SESN1: variants seen among roughly 807,000 people sequenced by gnomAD.
SESN1 encodes sestrin 1, also known as sestrin-1.
A neutral mutation model predicts 59.3 loss-of-function variants in SESN1; 30 were observed. The observed-to-expected ratio is 0.51, with a 90% CI of 0.38 to 0.69. The LOEUF (loss-of-function observed/expected upper bound fraction) is 0.69. SESN1 is among the 30% of genes least tolerant of loss of function. SESN1 has a pLI of 0.00. For missense variants in SESN1, 566 were observed against 673.0 expected (o/e 0.84, Z 1.76); for synonymous variants, 197 against 219.9 (o/e 0.90, Z 0.92).
At chr6:109,043,092 A>G (rs976580625) in intron 1 of SESN1, among the ~76,000 whole-genome samples, 2 of 152,172 alleles carry the variant, frequency 1.3e-5, no homozygotes, top group Non-Finnish European at 2.9e-5. Context: ...AAGAAAAACC[A>G]TATGTTCATA....
chr6:109,075,077 T>C (rs538274936), intron 1 of SESN1, among the ~76,000 whole-genome samples: 1 of 152,270 alleles, frequency 6.6e-6, no homozygotes, highest in East Asian at 1.9e-4. Flanking sequence ...GGCTCCTTTA[T>C]CTGGAGAATG....
In SESN1 at chr6:109,015,777, C is replaced by A. The variant is rs147371696; in HGVS notation, c.280-13434G>T. ...AAATATACAAACTCAAAAAAGGCAACAAAAGATACTAAATATATGCAAGTA... is the reference window on the plus strand; with the variant it reads ...AAATATACAAACTCAAAAAAGGCAAAAAAAGATACTAAATATATGCAAGTA... On this transcript the variant is annotated intron_variant, in intron 1 of 9. Coordinates refer to ENST00000436639, the MANE Select transcript of SESN1 (RefSeq NM_014454.3). Among the ~76,000 whole-genome samples the A allele has an allele frequency of 5.8e-3, 888 of 152,172 alleles. 7 individuals carry two copies. Among genetic ancestry groups the A allele is most frequent in the African/African-American group, 0.02 (836 of 41,526 alleles).
chr6:109,094,788 G>C lies in SESN1; in HGVS notation c.-715C>G, dbSNP rs1781468740. 6.6e-6 allele frequency: 1 copy of C among 152,236 alleles called. No individual in the cohort carries two copies. 9.4% of individuals were successfully genotyped at this position (152,236 alleles called of 1,614,324 possible). A position where few individuals can be genotyped will look rare whatever the true frequency, so the allele number is the denominator to read the frequency against. On this transcript the variant is annotated 5_prime_UTR_variant, in exon 1 of 10. Coordinates refer to ENST00000436639, the MANE Select transcript of SESN1 (RefSeq NM_014454.3). ...CCCTGAGCCCTCGCCCACCACCGCC[G>C]AGCCAGAGGGCACAGGGCGGCCCTG...
intron 9 of SESN1, 64 bp downstream of exon 9, chr6:108,988,479 T>A: frequency 7.1e-7 from 1 of 1,403,082 alleles, no homozygotes; most frequent in Admixed American, 2.2e-5. Flanking sequence ...ACCATTAGGT[T>A]AGGTGAAGGA....
At chr6:108,990,035 G>A (rs1479797081) in intron 8 of SESN1, among the ~76,000 whole-genome samples, 1 of 152,182 alleles carries the variant, frequency 6.6e-6, no homozygotes, top group Non-Finnish European at 1.5e-5. Flanking sequence ...TTTGACCAGA[G>A]TCTCTGATAA....
At chr6:109,032,608 A>G (rs1780198587) in intron 1 of SESN1, among the ~76,000 whole-genome samples, 1 of 146,252 alleles carries the variant, frequency 6.8e-6, no homozygotes, top group South Asian at 2.1e-4. Flanking sequence ...ACAGAGCAAG[A>G]CTTCATCTCG....
intron 1 of SESN1, among the ~76,000 whole-genome samples, chr6:109,036,203 T>G (rs1780244972): frequency 6.6e-6 from 1 of 152,214 alleles, no homozygotes; most frequent in African/African-American, 2.4e-5. Context: ...TTAGTTTTTT[T>G]CATAGAAACA....
intron 1 of SESN1, among the ~76,000 whole-genome samples, chr6:109,061,470 T>C (rs1474287108): frequency 1.3e-5 from 2 of 152,218 alleles, no homozygotes; most frequent in Non-Finnish European, 2.9e-5. Flanking sequence ...CTAAATATTT[T>C]GGGATATGCA....
At chr6:109,009,559 G>C (rs1472427234) in intron 1 of SESN1, 1 of 1,120,900 alleles carries the variant, frequency 8.9e-7, no homozygotes, top group African/African-American at 1.7e-5. Flanking sequence ...GGACGGCGGG[G>C]GGGCGGGGCG....
intron 1 of SESN1, among the ~76,000 whole-genome samples, chr6:109,022,057 T>G (rs1308338838): frequency 1.3e-5 from 2 of 152,138 alleles, no homozygotes; most frequent in East Asian, 1.9e-4. Flanking sequence ...GCATTTTTTT[T>G]TTTCCTTCCC....
At chr6:109,063,957 C>T (rs573273212) in intron 1 of SESN1, among the ~76,000 whole-genome samples, 1 of 151,590 alleles carries the variant, frequency 6.6e-6, no homozygotes, top group South Asian at 2.1e-4. Flanking sequence ...TATTTTACCC[C>T]AACTTGTAGC....
intron 1 of SESN1, among the ~76,000 whole-genome samples, chr6:109,006,586 C>G (rs182943196): frequency 6.6e-6 from 1 of 152,228 alleles, no homozygotes; most frequent in East Asian, 1.9e-4. Flanking sequence ...TCAATGACAT[C>G]TGGTTCTAGA....
At chr6:109,011,741 A>G (rs1262964116) in intron 1 of SESN1, among the ~76,000 whole-genome samples, 1 of 149,998 alleles carries the variant, frequency 6.7e-6, no homozygotes, top group Non-Finnish European at 1.5e-5. Flanking sequence ...TGATCCTCCC[A>G]CCTCAGCCTC....
chr6:109,046,109 C>CTCTCCCTCTCCCCACGG (rs1780428506), intron 1 of SESN1, among the ~76,000 whole-genome samples: 1 of 152,182 alleles, frequency 6.6e-6, no homozygotes, highest in South Asian at 2.1e-4. Flanking sequence ...AGCCCTCTCC[C>CTCTCCCTCTCCCCACGG]TCTCCCTCTC....
chr6:109,060,752 T>C (rs1279327807), intron 1 of SESN1, among the ~76,000 whole-genome samples: 1 of 152,232 alleles, frequency 6.6e-6, no homozygotes, highest in African/African-American at 2.4e-5. Flanking sequence ...TAATATGTCA[T>C]GGAGCTATTA....
chr6:109,077,365 G>A (rs962721892), intron 1 of SESN1, among the ~76,000 whole-genome samples: 1 of 152,158 alleles, frequency 6.6e-6, no homozygotes, highest in Admixed American at 6.5e-5. Context: ...CTCGACTCCA[G>A]TATTCACTAT....
chr6:109,003,963 G>A (rs1223385726), intron 1 of SESN1, among the ~76,000 whole-genome samples: 1 of 152,122 alleles, frequency 6.6e-6, no homozygotes. Flanking sequence ...GAAAATGCCT[G>A]TTTCAAGGGT....
chr6:109,012,244 CTTTT>C (rs1050059466), intron 1 of SESN1, among the ~76,000 whole-genome samples: 5 of 138,914 alleles, frequency 3.6e-5, no homozygotes, highest in Non-Finnish European at 3.2e-5. Flanking sequence ...TTTGATATTT[CTTTT>C]TTTTTTTTTT....
At position 109,094,262 on chromosome 6, in the gene SESN1, C is replaced by T. The variant is rs1583306599; in HGVS notation, c.-189G>A. 3.2e-6 allele frequency: 2 copies of T among 617,250 alleles called. No individual in the cohort carries two copies. Among genetic ancestry groups the T allele is most frequent in the East Asian group, 5.6e-5 (2 of 35,778 alleles). 38.2% of individuals were successfully genotyped at this position (617,250 alleles called of 1,614,324 possible). Reference sequence around the variant, plus strand: ...ATCTACAAGCTAGGTCACCCTCTCACCCTCTCCTTGTACACGAAAGGGCAG... The same window carrying T: ...ATCTACAAGCTAGGTCACCCTCTCATCCTCTCCTTGTACACGAAAGGGCAG... On this transcript the variant is annotated 5_prime_UTR_variant, in exon 1 of 10. It adds an upstream start codon to the 5' untranslated region. Coordinates refer to ENST00000436639, the MANE Select transcript of SESN1 (RefSeq NM_014454.3).
Sources: allele counts gnomAD v4.1 joint callset (sites outside exome capture counted in the v4.1 genomes callset), GRCh38; gene constraint gnomAD v4.1.1; transcripts MANE v1.5; gene names NCBI Gene and HGNC (gene_info 2026-07-23, HGNC 2026-07-21).